The following MTA3 variants were observed in gnomAD, a reference collection of about 807,000 sequenced individuals.
MTA3 encodes metastasis associated 1 family member 3, also known as metastasis-associated protein MTA3.
MTA3 carries 34 observed loss-of-function variants against 83.5 expected under a neutral mutation model. That is an observed-to-expected ratio of 0.41 (90% CI 0.31 to 0.54). The LOEUF (loss-of-function observed/expected upper bound fraction) is 0.54. Ranked by LOEUF, MTA3 falls within the 20% of genes least tolerant of loss-of-function variation. The pLI is 0.33. For synonymous variants in MTA3, 303 were observed against 252.7 expected (o/e 1.20, Z -1.89); for missense variants, 761 against 726.4 (o/e 1.05, Z -0.55).
intron 8 of MTA3, among the ~76,000 whole-genome samples, chr2:42,675,370 G>C (rs1434284017): frequency 6.6e-6 from 1 of 152,000 alleles, no homozygotes; most frequent in East Asian, 1.9e-4. Context: ...TCCTGACCTC[G>C]TGGTCCGCCT....
rs1002984086 is a variant in MTA3 at position 42,753,983 on chromosome 2, C to G, written c.*584C>G. 9 of 985,374 alleles carry G rather than the reference C, an allele frequency of 9.1e-6. No homozygotes were observed. In the African/African-American group the frequency reaches 1.6e-4, roughly 17 times the overall value. The allele number at this position is 985,374 out of a possible 1,614,324, so 61.0% of individuals were successfully genotyped here. ...TGAAATGGGGGAATTTGCTGTTTAC[C>G]CTCTGCATTCCTATATGTGACCCTC... is the stretch of plus-strand genomic sequence containing the variant. On this transcript the variant is annotated 3_prime_UTR_variant, in exon 17 of 17. Coordinates refer to ENST00000405094, the MANE Select transcript of MTA3 (RefSeq NM_001330442.2).
intron 3 of MTA3, among the ~76,000 whole-genome samples, chr2:42,592,683 C>T (rs1681166240): frequency 6.6e-6 from 1 of 152,154 alleles, no homozygotes; most frequent in African/African-American, 2.4e-5. Context: ...TCATCAATAT[C>T]ACTGTCTTCT....
At chr2:42,734,570 G>A (rs1668481169) in intron 16 of MTA3, among the ~76,000 whole-genome samples, 1 of 146,456 alleles carries the variant, frequency 6.8e-6, no homozygotes, top group Non-Finnish European at 1.5e-5. Flanking sequence ...GATAAGTAAT[G>A]ACTTAATCCT....
intron 2 of MTA3, among the ~76,000 whole-genome samples, chr2:42,508,514 G>A (rs1041108141): frequency 6.6e-6 from 1 of 151,450 alleles, no homozygotes; most frequent in Non-Finnish European, 1.5e-5. Flanking sequence ...TTTATCTTGT[G>A]TAGAGATGGG....
chr2:42,669,237 C>T (rs898683222), intron 8 of MTA3, among the ~76,000 whole-genome samples: 1 of 151,828 alleles, frequency 6.6e-6, no homozygotes, highest in Non-Finnish European at 1.5e-5. Context: ...AGCACCCCTG[C>T]CCCCCTGGCT....
At chr2:42,600,956 G>C (rs757341529) in intron 3 of MTA3, among the ~76,000 whole-genome samples, 1 of 151,702 alleles carries the variant, frequency 6.6e-6, no homozygotes, top group Non-Finnish European at 1.5e-5. Context: ...GCTTAGGCTT[G>C]AGTGCAGTAG....
Position 42,746,317 on chromosome 2 carries a change from C to T in MTA3, c.1760-7057C>T, listed in dbSNP as rs895969811. Among the ~76,000 whole-genome samples, 7 of 152,292 alleles carry T rather than the reference C, an allele frequency of 4.6e-5. No individual in the cohort carries two copies. In the East Asian group the frequency reaches 7.7e-4, roughly 17 times the overall value. On this transcript the variant is annotated intron_variant, in intron 16 of 16. Coordinates refer to ENST00000405094, the MANE Select transcript of MTA3 (RefSeq NM_001330442.2). ...GTTGTTCGAGCACAGATTTTAAAAG[C>T]CCTATTAAGGGGAAAAAACACACTC...
intron 9 of MTA3, among the ~76,000 whole-genome samples, chr2:42,688,615 T>G (rs1267779523): frequency 9.4e-5 from 2 of 21,184 alleles, no homozygotes; most frequent in Non-Finnish European, 1.4e-4. Flanking sequence ...CATTCAAGTG[T>G]TTTTTTTTTT....
At chr2:42,574,552 T>G (rs1178803883) in intron 2 of MTA3, among the ~76,000 whole-genome samples, 1 of 152,186 alleles carries the variant, frequency 6.6e-6, no homozygotes, top group African/African-American at 2.4e-5. Context: ...TTCTCCTCCC[T>G]CAGCCTCCCA....
At chr2:42,751,222 G>C (rs1044065373) in intron 16 of MTA3, among the ~76,000 whole-genome samples, 1 of 152,168 alleles carries the variant, frequency 6.6e-6, no homozygotes, top group African/African-American at 2.4e-5. Context: ...CTTCTGAGTA[G>C]TCAAACCATT....
intron 6 of MTA3, among the ~76,000 whole-genome samples, chr2:42,647,679 C>A (rs1186775284): frequency 6.6e-6 from 1 of 152,072 alleles, no homozygotes; most frequent in East Asian, 1.9e-4. Context: ...TCATCTCTAA[C>A]AAAAACAACA....
intron 16 of MTA3, among the ~76,000 whole-genome samples, chr2:42,734,140 T>A (rs1226214994): frequency 7.5e-6 from 1 of 134,162 alleles, no homozygotes; most frequent in Admixed American, 7.8e-5. Flanking sequence ...AGTCTCTAGC[T>A]ATTATTGTTT....
At chr2:42,735,033 CTG>C (rs1668511516) in intron 16 of MTA3, among the ~76,000 whole-genome samples, 1 of 152,108 alleles carries the variant, frequency 6.6e-6, no homozygotes, top group Non-Finnish European at 1.5e-5. Context: ...CTGTGTTTTT[CTG>C]TGTGCTTACT....
intron 9 of MTA3, among the ~76,000 whole-genome samples, chr2:42,683,172 G>C (rs1204475229): frequency 6.6e-6 from 1 of 152,182 alleles, no homozygotes. Context: ...TTCTCTCTGA[G>C]TTCCAAGTTA....
chr2:42,592,807 C>A (rs990363179), intron 3 of MTA3, among the ~76,000 whole-genome samples: 2 of 152,064 alleles, frequency 1.3e-5, no homozygotes, highest in African/African-American at 2.4e-5. Context: ...CTGTCTGGGG[C>A]TGTTTTACAG....
At chr2:42,646,659 A>T (rs1201459434) in intron 6 of MTA3, among the ~76,000 whole-genome samples, 1 of 152,172 alleles carries the variant, frequency 6.6e-6, no homozygotes, top group Admixed American at 6.5e-5. Context: ...GACTGACTGA[A>T]TTGCTGCAAT....
chr2:42,674,810 G>T (rs373877994), intron 8 of MTA3, among the ~76,000 whole-genome samples: 1 of 151,682 alleles, frequency 6.6e-6, no homozygotes, highest in Non-Finnish European at 1.5e-5. Context: ...TGTTGGCCAG[G>T]ATGGTCTTGA....
At chr2:42,548,965 A>G (rs1399738920) in intron 2 of MTA3, among the ~76,000 whole-genome samples, 2 of 129,066 alleles carry the variant, frequency 1.5e-5, no homozygotes, top group Non-Finnish European at 3.1e-5. Flanking sequence ...ACCTGAGGTC[A>G]GGAGATCAAG....
At chr2:42,570,649 AG>A (rs1413919772) in intron 2 of MTA3, 145 bp downstream of exon 2, 1 of 454,344 alleles carries the variant, frequency 2.2e-6, no homozygotes, top group African/African-American at 2.0e-5. Flanking sequence ...GCTTGAGCCC[AG>A]GAGTTGGAGA....
Sources: gnomAD v4.1 joint callset for allele counts (sites outside exome capture counted in the v4.1 genomes callset) on GRCh38, gnomAD v4.1.1 for gene constraint, MANE v1.5 for transcripts, NCBI Gene and HGNC (gene_info 2026-07-23, HGNC 2026-07-21) for gene names.